The following FREM1 variants were observed in gnomAD, a reference collection of about 807,000 sequenced individuals.
FREM1 encodes the protein FRAS1-related extracellular matrix protein 1.
Under a neutral mutation model 210.1 loss-of-function variants are expected in FREM1, and 220 were observed. The observed-to-expected ratio is 1.05, with a 90% confidence interval of 0.94 to 1.17. The LOEUF is 1.17. FREM1 is among the 50% of genes most tolerant of loss of function. The pLI is 0.00. For synonymous variants in FREM1, 1,189 were observed against 980.2 expected, an observed-to-expected ratio of 1.21 and a Z score of -3.98; for missense variants, 3,454 against 2,675.5, an observed-to-expected ratio of 1.29 and a Z score of -6.42.
At chr9:14,774,043 T>G (rs368192152) in intron 25 of FREM1, 38 of 507,176 alleles carry the variant, frequency 7.5e-5, no homozygotes, top group African/African-American at 6.9e-4. Flanking sequence ...AAACAATAAT[T>G]TTAATACAAA....
At chr9:14,816,752 A>T (rs1247708575) in intron 15 of FREM1, 26 bp downstream of exon 15, 1 of 1,273,188 alleles carries the variant, frequency 7.9e-7, no homozygotes, top group South Asian at 2.5e-5. Flanking sequence ...TAAGACAATA[A>T]CCCAGGGAAG....
intron 3 of FREM1, among the ~76,000 whole-genome samples, chr9:14,862,622 C>G (rs531154455): frequency 2.0e-5 from 3 of 152,306 alleles, no homozygotes; most frequent in South Asian, 2.1e-4. Flanking sequence ...AGACTTTCAT[C>G]AACCCCAAAA....
chr9:14,829,100 C>A (rs1823053530), intron 10 of FREM1, among the ~76,000 whole-genome samples: 1 of 152,114 alleles, frequency 6.6e-6, no homozygotes, highest in African/African-American at 2.4e-5. Context: ...TGTATCTCCA[C>A]AACATCTAGC....
chr9:14,847,169 C>A lies in FREM1; in HGVS notation c.1262-1078G>T, dbSNP rs113961764. 9.9e-5 allele frequency among the ~76,000 whole-genome samples: 15 copies of A among 152,240 alleles called. No homozygotes were observed. The East Asian group carries it at 1.7e-3, about 18-fold the overall frequency. On this transcript the variant is annotated intron_variant, in intron 7 of 36. Coordinates refer to ENST00000380880, the MANE Select transcript of FREM1 (RefSeq NM_001379081.2). ...TGTTGACCTTTTCCCAACCCCACTT[C>A]CAACTCTTACCAGACACAGCAGTTG...
rs1417494408 is a variant in FREM1, at chr9:14,784,577, A to G, written c.4235T>C (p.Leu1412Ser). ...CACAGCCAGGAGCGTGGTGGTTGTT[A>G]AGAAACCTCTATCACCTTTAGACAC... ...LVVSKGDRGF[L>S]TTTTLLAVDG... The change falls in exon 24 of 37, where the codon TTA becomes TCA. Residue 1412 changes from leucine to serine, a missense_variant. Leu to Ser is a moderately radical substitution (Grantham distance 145). Coordinates refer to ENST00000380880, the MANE Select transcript of FREM1 (RefSeq NM_001379081.2). The G allele has an allele frequency of 6.2e-7, 1 of 1,611,226 alleles. No homozygotes were observed. Among genetic ancestry groups the G allele is most frequent in the Non-Finnish European group, 8.5e-7 (1 of 1,178,642 alleles).
intron 8 of FREM1, among the ~76,000 whole-genome samples, chr9:14,844,397 A>T (rs1365124234): frequency 6.6e-6 from 1 of 151,600 alleles, no homozygotes; most frequent in Non-Finnish European, 1.5e-5. Context: ...GGCTATTTTT[A>T]TGTTTTTAGT....
At chr9:14,871,051 T>C (rs1162935355) in intron 1 of FREM1, among the ~76,000 whole-genome samples, 1 of 152,122 alleles carries the variant, frequency 6.6e-6, no homozygotes, top group East Asian at 1.9e-4. Context: ...ATCCAGTCTA[T>C]CATGGCTGGA....
chr9:14,848,242 C>T (rs1183232288), intron 7 of FREM1, among the ~76,000 whole-genome samples: 2 of 152,154 alleles, frequency 1.3e-5, no homozygotes, highest in East Asian at 1.9e-4. Flanking sequence ...GCAGTTAAAG[C>T]TCTTATTTAC....
chr9:14,861,817 T>TAACCTC (rs1830655517), intron 3 of FREM1, among the ~76,000 whole-genome samples: 1 of 152,156 alleles, frequency 6.6e-6, no homozygotes. Flanking sequence ...CTCTTAACCT[T>TAACCTC]TTTGTTACAA....
Position 14,737,438 on chromosome 9 carries a change from C to T in FREM1, c.6498G>A (p.Arg2166=). 6.2e-7 allele frequency: 1 copy of T among 1,613,800 alleles called. No individual in the cohort carries two copies. Among genetic ancestry groups the T allele is most frequent in the East Asian group, 2.2e-5 (1 of 44,862 alleles). Residue 2166 remains arginine (R), a synonymous_variant, in exon 37 of 37, where the codon AGG becomes AGA. Coordinates refer to ENST00000380880, the MANE Select transcript of FREM1 (RefSeq NM_001379081.2). ...ACACATAATTATGAGGTTTGGCTCTCCTACAGTCTTTTGTTTGCCATTTCC... is the reference window on the plus strand; with the variant it reads ...ACACATAATTATGAGGTTTGGCTCTTCTACAGTCTTTTGTTTGCCATTTCC... The part of the protein sequence containing the change: ...RQGKWQTKDC[R]RAKPHNYVCS...
intron 21 of FREM1, among the ~76,000 whole-genome samples, chr9:14,796,373 A>G (rs955496999): frequency 1.3e-5 from 2 of 152,204 alleles, no homozygotes; most frequent in Non-Finnish European, 2.9e-5. Flanking sequence ...AGCTCTAGAG[A>G]AGAGTTGGTC....
chr9:14,846,797 G>A (rs1387979208), intron 7 of FREM1, among the ~76,000 whole-genome samples: 1 of 152,192 alleles, frequency 6.6e-6, no homozygotes, highest in East Asian at 1.9e-4. Context: ...CTTATCTTAT[G>A]CTTCTCTCAC....
At position 14,861,078 on chromosome 9, in the gene FREM1, CATATAT is replaced by C. The variant is rs1276996037; in HGVS notation, c.330-1600_330-1595del. Among the ~76,000 whole-genome samples the C allele has an allele frequency of 9.3e-4, 100 of 108,092 alleles. 7 individuals are homozygous for C. Among genetic ancestry groups the C allele is most frequent in the African/African-American group, 3.3e-3 (79 of 23,964 alleles). The allele number at this position is 108,092 out of a possible 152,430, so 70.9% of individuals were successfully genotyped here. The stretch of plus-strand genomic sequence containing the variant: ...ACATATATACACATATACATATATA[CATATAT>C]ACACATATATATAAACATATATACA... On this transcript the variant is annotated intron_variant, in intron 3 of 36. Transcript: ENST00000380880.
intron 27 of FREM1, among the ~76,000 whole-genome samples, chr9:14,761,051 A>C (rs1173836687): frequency 1.3e-5 from 2 of 152,050 alleles, no homozygotes; most frequent in African/African-American, 4.8e-5. Flanking sequence ...CTTTACTTTT[A>C]AGTTTATTTA....
intron 29 of FREM1, among the ~76,000 whole-genome samples, chr9:14,752,528 G>C (rs79981374): frequency 0.026 from 4,031 of 152,248 alleles, 196 homozygotes; most frequent in African/African-American, 0.092. Context: ...GAACAAAGAA[G>C]TCACACACTG....
intron 24 of FREM1, among the ~76,000 whole-genome samples, chr9:14,777,247 T>G (rs377422816): frequency 4.7e-4 from 71 of 152,348 alleles, no homozygotes; most frequent in African/African-American, 1.5e-3. Context: ...TGAAATCACA[T>G]TCTACCTACT....
At chr9:14,816,629 T>A (rs1335156511) in intron 15 of FREM1, 149 bp downstream of exon 15, 1 of 412,508 alleles carries the variant, frequency 2.4e-6, no homozygotes, top group Admixed American at 4.2e-5. Flanking sequence ...CCTCACTGGA[T>A]GCAGCTACCC....
chr9:14,759,946 T>C (rs1450829519), intron 27 of FREM1, 45 bp from the exon 28 acceptor site: 1 of 1,522,446 alleles, frequency 6.6e-7, no homozygotes, highest in South Asian at 1.3e-5. Context: ...GCATAGTATA[T>C]GCCTATAGGG....
chr9:14,842,760 T>C (rs769953059), intron 8 of FREM1, 100 bp from the exon 9 acceptor site: 6 of 808,500 alleles, frequency 7.4e-6, no homozygotes, highest in Non-Finnish European at 9.9e-6. Context: ...AAGGAAAGTG[T>C]GCAGCCCGTA....
Sources: allele counts gnomAD v4.1 joint callset (sites outside exome capture counted in the v4.1 genomes callset), GRCh38; gene constraint gnomAD v4.1.1; transcripts MANE v1.5; gene names NCBI Gene and HGNC (gene_info 2026-07-23, HGNC 2026-07-21).